The following RAPGEF6 variants were observed in gnomAD, a reference collection of about 807,000 sequenced individuals.
The protein encoded by RAPGEF6 is Rap guanine nucleotide exchange factor 6, also known as PDZ domain containing guanine nucleotide exchange factor (GEF) 2.
A neutral mutation model predicts 171.4 loss-of-function variants in RAPGEF6; 56 were observed. The ratio of observed to expected loss-of-function variants is 0.33; its 90% CI spans 0.26 to 0.41. The LOEUF is 0.41. Ranked by LOEUF, RAPGEF6 falls within the 10% of genes least tolerant of loss-of-function variation. RAPGEF6 has a pLI of 1.00. For synonymous variants in RAPGEF6, 692 were observed against 650.1 expected (o/e 1.06, Z -0.98); for missense variants, 1,674 against 1,921.4 (o/e 0.87, Z 2.41).
At chr5:131,600,103 A>G (rs919701545) in intron 3 of RAPGEF6, among the ~76,000 whole-genome samples, 3 of 152,248 alleles carry the variant, frequency 2.0e-5, no homozygotes, top group African/African-American at 7.2e-5. Flanking sequence ...TTCAAAAAAT[A>G]TATCACAACA....
chr5:131,603,292 C>T lies in RAPGEF6; in HGVS notation c.176G>A (p.Ser59Asn). The part of the protein sequence containing the change: ...MSARARYERY[S>N]GNQVLFCSET... The stretch of plus-strand genomic sequence containing the variant: ...TTACCAAAAGAGAACCTGATTGCCA[C>T]TGTATCTCTCATAGCGTGCTCTTGC... The change falls in exon 3 of 28, where the codon AGT becomes AAT. Residue 59 changes from serine (S) to asparagine (N), a missense_variant. Physicochemically the swap from Ser to Asn is conservative, Grantham distance 46. Around this residue, in one of 3 missense-constraint regions of RAPGEF6, gnomAD observed 1,116 missense variants for 1,321.5 expected, o/e 0.84. Transcript: ENST00000509018. The T allele has an allele frequency of 6.3e-7, 1 of 1,581,368 alleles. No individual in the cohort carries two copies. Among genetic ancestry groups the T allele is most frequent in the Non-Finnish European group, 8.6e-7 (1 of 1,166,256 alleles).
At chr5:131,539,706 C>T (rs1416677626) in intron 6 of RAPGEF6, among the ~76,000 whole-genome samples, 1 of 152,146 alleles carries the variant, frequency 6.6e-6, no homozygotes, top group Non-Finnish European at 1.5e-5. Context: ...GATGTGGTGT[C>T]CTAATAATCA....
chr5:131,516,583 G>C (rs1489347867), intron 7 of RAPGEF6, among the ~76,000 whole-genome samples: 1 of 152,098 alleles, frequency 6.6e-6, no homozygotes, highest in South Asian at 2.1e-4. Flanking sequence ...ATGTGTGTCT[G>C]GAGTTGTTTA....
intron 3 of RAPGEF6, 35 bp downstream of exon 3, chr5:131,603,236 A>C (rs1170005355): frequency 7.0e-7 from 1 of 1,435,040 alleles, no homozygotes; most frequent in African/African-American, 1.4e-5. Flanking sequence ...TAAACATAAA[A>C]GTCATTAGTT....
chr5:131,468,868 A>G (rs1381042521), intron 17 of RAPGEF6, among the ~76,000 whole-genome samples: 1 of 152,252 alleles, frequency 6.6e-6, no homozygotes, highest in East Asian at 1.9e-4. Flanking sequence ...ATTGTTCTGC[A>G]AAGAGCCAGA....
chr5:131,579,312 C>T (rs981879302), intron 4 of RAPGEF6, among the ~76,000 whole-genome samples: 10 of 152,120 alleles, frequency 6.6e-5, no homozygotes, highest in Admixed American at 5.9e-4. Flanking sequence ...AGATTTATTG[C>T]AAAAAGCAAA....
chr5:131,470,165 A>C (rs1414370867), intron 17 of RAPGEF6, among the ~76,000 whole-genome samples: 1 of 152,208 alleles, frequency 6.6e-6, no homozygotes, highest in African/African-American at 2.4e-5. Context: ...GGGGTTTAAA[A>C]ATATAAGTTA....
chr5:131,510,355 C>T lies in RAPGEF6; in HGVS notation c.764G>A (p.Cys255Tyr), dbSNP rs1171671289. ...TTTGTCTGCAGGTTCTTTTTCAAGA[C>T]ATTCTCGAACAAGATCTCGCCCCTG... is the stretch of plus-strand genomic sequence containing the variant. Reference protein sequence around the residue: ...PLQGRDLVRECLEKEPADKTD... With the variant: ...PLQGRDLVREYLEKEPADKTD... Residue 255 changes from cysteine (C) to tyrosine (Y), a missense_variant, in exon 8 of 28, where the codon TGT becomes TAT. This residue lies in a region of RAPGEF6 where 1,116 missense variants were observed against 1,321.5 expected (regional missense o/e 0.84). Coordinates refer to ENST00000509018, the MANE Select transcript of RAPGEF6 (RefSeq NM_016340.6). The T allele has an allele frequency of 1.9e-6, 3 of 1,613,770 alleles. No individual in the cohort carries two copies. The highest frequency in any genetic ancestry group is 2.5e-6 in the Non-Finnish European group (3 of 1,179,974).
intron 1 of RAPGEF6, among the ~76,000 whole-genome samples, chr5:131,611,434 C>T (rs1415353520): frequency 6.6e-6 from 1 of 152,048 alleles, no homozygotes; most frequent in African/African-American, 2.4e-5. Context: ...CTTTGGGAGG[C>T]CAAAGTGAGT....
chr5:131,499,440 G>C (rs887742690), intron 11 of RAPGEF6, among the ~76,000 whole-genome samples: 1 of 151,996 alleles, frequency 6.6e-6, no homozygotes, highest in Admixed American at 6.6e-5. Flanking sequence ...AATTGGCTGG[G>C]TGTGGTGGCC....
chr5:131,481,190 G>C (rs1240848467), intron 15 of RAPGEF6, among the ~76,000 whole-genome samples: 5 of 151,830 alleles, frequency 3.3e-5, no homozygotes, highest in Non-Finnish European at 5.9e-5. Flanking sequence ...CTCCCAAAGT[G>C]CTGGGATTAC....
intron 4 of RAPGEF6, among the ~76,000 whole-genome samples, chr5:131,588,897 C>A (rs897673529): frequency 6.6e-6 from 1 of 152,010 alleles, no homozygotes. Context: ...ACATGGTACC[C>A]TGTCTCCACA....
rs577862879 is a variant in RAPGEF6, at chr5:131,593,956, CTG to C, written c.198-1492_198-1491del. On this transcript the variant is annotated intron_variant, in intron 3 of 27. Coordinates refer to ENST00000509018, the MANE Select transcript of RAPGEF6 (RefSeq NM_016340.6). The stretch of plus-strand genomic sequence containing the variant: ...GTGGTAGAAAAGAAAACCCCATTCT[CTG>C]GGGAGAAATTCAAGCCCGCTGCAGA... 1.1e-3 allele frequency among the ~76,000 whole-genome samples: 175 copies of C among 152,344 alleles called. 1 individual carries two copies. The highest frequency in any genetic ancestry group is 0.01 in the Middle Eastern group (3 of 294).
At chr5:131,481,749 G>C (rs1755498025) in intron 15 of RAPGEF6, among the ~76,000 whole-genome samples, 1 of 152,198 alleles carries the variant, frequency 6.6e-6, no homozygotes, top group Non-Finnish European at 1.5e-5. Flanking sequence ...GAAGAAGTCT[G>C]AATTACAGAG....
At chr5:131,429,318 A>G in intron 26 of RAPGEF6, 102 bp from the exon 27 acceptor site, 1 of 1,021,646 alleles carries the variant, frequency 9.8e-7, no homozygotes, top group East Asian at 2.6e-5. Flanking sequence ...CAACTTAAAA[A>G]TAGACAAAAT....
intron 24 of RAPGEF6, chr5:131,436,156 A>C: frequency 6.5e-7 from 1 of 1,537,910 alleles, no homozygotes; most frequent in Middle Eastern, 1.7e-4. Flanking sequence ...CTCCCTTGAA[A>C]GCATTCTTTC....
chr5:131,603,154 T>G, intron 3 of RAPGEF6, 117 bp downstream of exon 3: 3 of 766,538 alleles, frequency 3.9e-6, no homozygotes, highest in Non-Finnish European at 6.6e-6. Context: ...TCATGGTCTA[T>G]GAATATTTTT....
At position 131,585,960 on chromosome 5, in the gene RAPGEF6, T is replaced by C. The variant is rs141200755; in HGVS notation, c.281+6423A>G. Among the ~76,000 whole-genome samples, 1,117 of 152,332 alleles carry C rather than the reference T, an allele frequency of 7.3e-3. 8 individuals carry two copies. Among genetic ancestry groups the C allele is most frequent in the African/African-American group, 0.025 (1,034 of 41,572 alleles). ...CTTACATATGTTGATTGAGGTCTTATGTCTCCCTAAAACGTATAAAACAAA... is the reference window on the plus strand; with the variant it reads ...CTTACATATGTTGATTGAGGTCTTACGTCTCCCTAAAACGTATAAAACAAA... On this transcript the variant is annotated intron_variant, in intron 4 of 27. Transcript: ENST00000509018.
intron 1 of RAPGEF6, among the ~76,000 whole-genome samples, chr5:131,625,317 G>A (rs1269549313): frequency 6.6e-6 from 1 of 152,054 alleles, no homozygotes; most frequent in Non-Finnish European, 1.5e-5. Context: ...TATATTTAGG[G>A]CATATGGACT....
Sources: allele counts gnomAD v4.1 joint callset (sites outside exome capture counted in the v4.1 genomes callset), GRCh38; gene constraint gnomAD v4.1.1; regional missense constraint gnomAD v4.1.1; transcripts MANE v1.5; gene names NCBI Gene and HGNC (gene_info 2026-07-23, HGNC 2026-07-21).